NFATC1: variants seen among roughly 807,000 people sequenced by gnomAD.
The protein encoded by NFATC1 is nuclear factor of activated T-cells, cytoplasmic 1.
In NFATC1, 22 loss-of-function variants were observed where a neutral mutation model predicts 76.0. That is an observed-to-expected ratio of 0.29 (90% confidence interval 0.21 to 0.41). The LOEUF (loss-of-function observed/expected upper bound fraction) is 0.41, where lower values mean the gene tolerates loss of function less well. Ranked by LOEUF, NFATC1 falls within the 10% of genes least tolerant of loss-of-function variation. NFATC1 has a pLI of 1.00. For synonymous variants in NFATC1, 704 were observed against 613.1 expected, an observed-to-expected ratio of 1.15 and a Z score of -2.19; for missense variants, 1,357 against 1,337.7, an observed-to-expected ratio of 1.01 and a Z score of -0.23.
At chr18:79,428,712 C>T (rs940276040) in intron 2 of NFATC1, among the ~76,000 whole-genome samples, 6 of 152,198 alleles carry the variant, frequency 3.9e-5, no homozygotes, top group African/African-American at 9.6e-5. Flanking sequence ...TATGGTGATA[C>T]GTGCCTGTAA....
At chr18:79,506,949 C>G (rs919633104) in intron 9 of NFATC1, among the ~76,000 whole-genome samples, 1 of 152,190 alleles carries the variant, frequency 6.6e-6, no homozygotes, top group African/African-American at 2.4e-5. Context: ...AGTGTATCCC[C>G]TTCCAAAGAT....
At chr18:79,432,429 T>TGGC (rs1600696448) in intron 2 of NFATC1, among the ~76,000 whole-genome samples, 50 of 55,770 alleles carry the variant, frequency 9.0e-4, no homozygotes, top group African/African-American at 2.7e-3. Context: ...GGACAGCCGT[T>TGGC]GGGCCCTGGA....
intron 9 of NFATC1, among the ~76,000 whole-genome samples, chr18:79,525,077 CCGTCGTT>C (rs2145244811): frequency 1.1e-5 from 1 of 90,278 alleles, no homozygotes; most frequent in African/African-American, 4.7e-5. Flanking sequence ...CCACGTCCCA[CCGTCGTT>C]ACCCCTCAGG....
chr18:79,467,320 G>A (rs2088555216), intron 7 of NFATC1, 130 bp from the exon 8 acceptor site: 1 of 842,340 alleles, frequency 1.2e-6, no homozygotes, highest in Non-Finnish European at 1.8e-6. Flanking sequence ...GTTGCCGTGT[G>A]GCCGCCGTGG....
At chr18:79,398,668 C>G (rs1287427516) in intron 1 of NFATC1, among the ~76,000 whole-genome samples, 1 of 152,230 alleles carries the variant, frequency 6.6e-6, no homozygotes, top group Non-Finnish European at 1.5e-5. Context: ...CCTGGGGCCA[C>G]CAGCAGGCGG....
intron 1 of NFATC1, among the ~76,000 whole-genome samples, chr18:79,404,443 A>G (rs304933): frequency 0.74 from 113,349 of 152,180 alleles, 42,559 homozygotes; most frequent in East Asian, 1. Context: ...TGCTAAGCAC[A>G]TTGCTTCCAA....
rs118041947 is a variant in NFATC1, at chr18:79,487,250, A to C, written c.2782+313A>C. 1.5e-3 allele frequency among the ~76,000 whole-genome samples: 229 copies of C among 152,294 alleles called. 4 individuals carry two copies. The East Asian group carries it at 0.038, about 26-fold the overall frequency. On this transcript the variant is annotated intron_variant, in intron 9 of 9. Coordinates refer to ENST00000427363, the MANE Select transcript of NFATC1 (RefSeq NM_001278669.2). ...CATTGGTGTCCAGGTTTGCTTCTGC[A>C]GCTGAATATGGAGCCGCACGGCTCA...
chr18:79,473,571 GC>G (rs2088878308), intron 8 of NFATC1, among the ~76,000 whole-genome samples: 1 of 127,186 alleles, frequency 7.9e-6, no homozygotes, highest in Non-Finnish European at 1.6e-5. Flanking sequence ...GCGTGTTCTC[GC>G]GCTCACTGTC....
intron 8 of NFATC1, among the ~76,000 whole-genome samples, chr18:79,479,825 A>G (rs751761209): frequency 6.6e-6 from 1 of 152,172 alleles, no homozygotes; most frequent in Non-Finnish European, 1.5e-5. Flanking sequence ...GGGCAAGGAC[A>G]GGGAGATGGG....
chr18:79,517,986 T>G (rs1288040891), intron 9 of NFATC1, among the ~76,000 whole-genome samples: 2 of 152,390 alleles, frequency 1.3e-5, no homozygotes, highest in East Asian at 3.9e-4. Flanking sequence ...CCACATTGTT[T>G]ATTCTTTAAG....
chr18:79,527,760 G>A lies in NFATC1; in HGVS notation c.*183G>A, dbSNP rs73481151. 3,360 of 615,628 alleles carry A rather than the reference G, an allele frequency of 5.5e-3. 93 individuals carry two copies. The highest frequency in any genetic ancestry group is 0.053 in the African/African-American group (2,873 of 54,426). 38.1% of individuals were successfully genotyped at this position (615,628 alleles called of 1,614,324 possible). A position where few individuals can be genotyped will look rare whatever the true frequency, so the allele number is the denominator to read the frequency against. On this transcript the variant is annotated 3_prime_UTR_variant, in exon 10 of 10. Transcript: ENST00000427363. ...CAACAAGAAGGAAAGCAGGGAGGAA[G>A]GGAGACCACTGTGTCACCTGGAGGA...
At position 79,528,296 on chromosome 18, in the gene NFATC1, C is replaced by A. The variant is rs2090820232; in HGVS notation, c.*719C>A. 2 of 191,146 alleles carry A rather than the reference C, an allele frequency of 1.0e-5. No individual in the cohort carries two copies. The highest frequency in any genetic ancestry group is 1.2e-4 in the Admixed American group (2 of 16,338). 11.8% of individuals were successfully genotyped at this position (191,146 alleles called of 1,614,324 possible). On this transcript the variant is annotated 3_prime_UTR_variant, in exon 10 of 10. Coordinates refer to ENST00000427363, the MANE Select transcript of NFATC1 (RefSeq NM_001278669.2). ...CTGGCTTCGAACATAGCACAAGTAACTTGAATAGCACATCAATAGGTTACT... is the reference window on the plus strand; with the variant it reads ...CTGGCTTCGAACATAGCACAAGTAAATTGAATAGCACATCAATAGGTTACT...
At chr18:79,402,505 T>G in intron 1 of NFATC1, 2 of 614,444 alleles carry the variant, frequency 3.3e-6, no homozygotes, top group Non-Finnish European at 2.0e-6. Flanking sequence ...AGCTGCGCCC[T>G]TCCCCGGGAG....
At chr18:79,461,491 CAAAT>C (rs987071961) in intron 7 of NFATC1, 125 bp downstream of exon 7, 1 of 826,796 alleles carries the variant, frequency 1.2e-6, no homozygotes, top group South Asian at 1.5e-5. Flanking sequence ...TAGAATGAAA[CAAAT>C]AAAAATAGTG....
intron 8 of NFATC1, among the ~76,000 whole-genome samples, chr18:79,471,818 G>T (rs1353987927): frequency 6.6e-6 from 1 of 152,218 alleles, no homozygotes; most frequent in Non-Finnish European, 1.5e-5. Context: ...GGATCTGGGG[G>T]TCCTTCACCA....
chr18:79,495,386 C>T (rs187667623), intron 9 of NFATC1, among the ~76,000 whole-genome samples: 1 of 152,218 alleles, frequency 6.6e-6, no homozygotes, highest in Admixed American at 6.5e-5. Flanking sequence ...AAATATCAGT[C>T]TACAGTCCAA....
intron 2 of NFATC1, among the ~76,000 whole-genome samples, chr18:79,412,089 C>T (rs1301073545): frequency 1.3e-5 from 2 of 152,266 alleles, no homozygotes; most frequent in Non-Finnish European, 2.9e-5. Flanking sequence ...GAGACGCCGG[C>T]TGTGGCATCA....
intron 1 of NFATC1, among the ~76,000 whole-genome samples, chr18:79,405,330 C>T (rs922669555): frequency 6.6e-6 from 1 of 152,278 alleles, no homozygotes; most frequent in African/African-American, 2.4e-5. Context: ...GCCAGGCCCT[C>T]CGACACGGCA....
intron 9 of NFATC1, among the ~76,000 whole-genome samples, chr18:79,501,399 C>G (rs1569036065): frequency 6.6e-6 from 1 of 152,202 alleles, no homozygotes; most frequent in Non-Finnish European, 1.5e-5. Flanking sequence ...GACGGAGGAC[C>G]TTCTTTTCCC....
Sources: gnomAD v4.1 joint callset for allele counts (sites outside exome capture counted in the v4.1 genomes callset) on GRCh38, gnomAD v4.1.1 for gene constraint, MANE v1.5 for transcripts, NCBI Gene and HGNC (gene_info 2026-07-23, HGNC 2026-07-21) for gene names.